Variants in GET1 observed in about 807,000 individuals in gnomAD.
GET1 encodes the protein guided entry of tail-anchored proteins factor 1, also known as congenital heart disease 5 protein.
In GET1, 20 loss-of-function variants were observed where a neutral mutation model predicts 22.6. The ratio of observed to expected loss-of-function variants is 0.89; its 90% CI spans 0.62 to 1.29. The LOEUF is 1.29. GET1 is among the 50% of genes most tolerant of loss of function. The pLI, the probability that GET1 is intolerant of heterozygous loss-of-function variation, is 0.00. For missense variants in GET1, 209 were observed against 219.9 expected (o/e 0.95, Z 0.31); for synonymous variants, 92 against 83.8 (o/e 1.10, Z -0.53).
intron 2 of GET1, 156 bp downstream of exon 2, chr21:39,391,019 T>TGAG: frequency 1.4e-6 from 1 of 724,766 alleles, no homozygotes; most frequent in Non-Finnish European, 2.1e-6. Flanking sequence ...TAAGTATTAC[T>TGAG]TTCCTCTTAT....
At chr21:39,401,588 G>C (rs143068614), downstream of GET1, among the ~76,000 whole-genome samples, 5 of 152,120 alleles carry the variant, frequency 3.3e-5, no homozygotes, top group East Asian at 9.7e-4. Context: ...ACATTGTTTG[G>C]TTTCTCATGC....
At position 39,391,853 on chromosome 21, in the gene GET1, G is replaced by A. The variant is rs779821913; in HGVS notation, c.336+17G>A. ...GTATTGCAGGTAAGTGTGCTAGAGC[G>A]TCAGCCGGGTCATTGGAGTTGGTGA... On this transcript the variant is annotated intron_variant, in intron 3 of 4. Transcript: ENST00000649170. 1.7e-5 allele frequency: 27 copies of A among 1,613,752 alleles called. No individual in the cohort carries two copies. The Admixed American group carries it at 2.5e-4, about 15-fold the overall frequency.
At chr21:39,395,808 C>G (rs911382134) in intron 4 of GET1, among the ~76,000 whole-genome samples, 2 of 152,224 alleles carry the variant, frequency 1.3e-5, no homozygotes, top group African/African-American at 4.8e-5. Flanking sequence ...AGCCACCCTT[C>G]CATGCATCCA....
At chr21:39,384,263 T>C (rs1042038570) in intron 1 of GET1, among the ~76,000 whole-genome samples, 2 of 151,750 alleles carry the variant, frequency 1.3e-5, no homozygotes, top group Admixed American at 1.3e-4. Flanking sequence ...ATTATTATTA[T>C]TATTATTTTT....
chr21:39,391,057 A>G (rs1223865250), intron 2 of GET1, 194 bp downstream of exon 2: 1 of 516,750 alleles, frequency 1.9e-6, no homozygotes, highest in Admixed American at 3.4e-5. Flanking sequence ...CTTTCTAAGC[A>G]CAGAAATATC....
At chr21:39,426,286 G>A (rs754024040) in intron 1 of GET1, among the ~76,000 whole-genome samples, 1 of 152,118 alleles carries the variant, frequency 6.6e-6, no homozygotes, top group Non-Finnish European at 1.5e-5. Context: ...CTTGATGGAG[G>A]AATATATACT....
At chr21:39,396,734 TA>T in intron 4 of GET1, 131 bp from the exon 5 acceptor site, 1 of 618,126 alleles carries the variant, frequency 1.6e-6, no homozygotes, top group Non-Finnish European at 2.7e-6. Flanking sequence ...CTATGAAACA[TA>T]AACTTCACTT....
At chr21:39,420,940 T>G (rs1367239623) in intron 1 of GET1, 14 of 911,890 alleles carry the variant, frequency 1.5e-5, no homozygotes, top group Non-Finnish European at 2.0e-5. Context: ...AAAGTGCACA[T>G]TTTCAATACA....
At chr21:39,415,947 A>T (rs995521075) in intron 1 of GET1, among the ~76,000 whole-genome samples, 1 of 152,110 alleles carries the variant, frequency 6.6e-6, no homozygotes, top group African/African-American at 2.4e-5. Flanking sequence ...TGGCATGAGT[A>T]GGTGGTGGTG....
chr21:39,392,789 G>C (rs2038391768), intron 3 of GET1: 1 of 199,626 alleles, frequency 5.0e-6, no homozygotes, highest in South Asian at 1.1e-4. Flanking sequence ...ACTCAAACGA[G>C]ATACTCAGTG....
intron 1 of GET1, 31 bp downstream of exon 1, chr21:39,380,517 G>C: frequency 1.1e-5 from 17 of 1,592,738 alleles, no homozygotes; most frequent in Non-Finnish European, 1.5e-5. Flanking sequence ...CCAAGGGCCG[G>C]TGGGGATGCC....
downstream of GET1, among the ~76,000 whole-genome samples, chr21:39,402,156 T>C (rs2038855830): frequency 6.6e-6 from 1 of 152,124 alleles, no homozygotes; most frequent in African/African-American, 2.4e-5. Flanking sequence ...CAGGCTGGAG[T>C]GCAGTGGCAT....
chr21:39,387,552 A>G (rs1328619853), intron 1 of GET1, among the ~76,000 whole-genome samples: 7 of 152,112 alleles, frequency 4.6e-5, no homozygotes, highest in African/African-American at 1.7e-4. Flanking sequence ...AGTGCTGGGT[A>G]GTGGCCAGGG....
At position 39,420,670 on chromosome 21, in the gene GET1, G is replaced by A. The variant is rs1601814524; in HGVS notation, c.*24-7562G>A. 2.5e-6 allele frequency: 4 copies of A among 1,573,478 alleles called. No homozygotes were observed. The East Asian group carries it at 9.0e-5, about 35-fold the overall frequency. On this transcript the variant is annotated intron_variant, in intron 1 of 1. Coordinates refer to the GET1 transcript ENST00000478273. ...AATAGCTCATATATTTCGGGAAACAGGATTTCATTCTTACATTTTGTTTTA... is the reference window on the plus strand; with the variant it reads ...AATAGCTCATATATTTCGGGAAACAAGATTTCATTCTTACATTTTGTTTTA...
chr21:39,403,587 G>A (rs2038898994), intron 4 of GET1, among the ~76,000 whole-genome samples: 1 of 150,722 alleles, frequency 6.6e-6, no homozygotes, highest in Non-Finnish European at 1.5e-5. Context: ...CTCCCAAAGT[G>A]CTGGGGTGAG....
intron 1 of GET1, among the ~76,000 whole-genome samples, chr21:39,414,580 C>G (rs992269243): frequency 6.6e-6 from 1 of 152,130 alleles, no homozygotes; most frequent in Non-Finnish European, 1.5e-5. Flanking sequence ...CCTCGTGACT[C>G]GCTACCAAAA....
rs751552936 is a variant in GET1 at position 39,380,957 on chromosome 21, C to T, written c.102+471C>T. On this transcript the variant is annotated intron_variant, in intron 1 of 4. Coordinates refer to ENST00000649170, the MANE Select transcript of GET1 (RefSeq NM_004627.6). Reference sequence around the variant, plus strand: ...TGGGAGACAGGTGTAGAGAGAATCTCAGTACAGCGTGATGCCTTCAGTATC... The same window carrying T: ...TGGGAGACAGGTGTAGAGAGAATCTTAGTACAGCGTGATGCCTTCAGTATC... 1.0e-4 allele frequency: 101 copies of T among 993,608 alleles called. 1 individual carries two copies. The highest frequency in any genetic ancestry group is 5.4e-4 in the East Asian group (5 of 9,256). 61.5% of individuals were successfully genotyped at this position (993,608 alleles called of 1,614,324 possible).
chr21:39,415,734 G>A (rs1421359399), intron 1 of GET1, among the ~76,000 whole-genome samples: 3 of 152,160 alleles, frequency 2.0e-5, no homozygotes, highest in Non-Finnish European at 4.4e-5. Flanking sequence ...ATCTCTTACT[G>A]TCTTTTAATC....
chr21:39,406,345 G>T (rs929144680), exon 5 of GET1: 26 of 1,614,088 alleles, frequency 1.6e-5, no homozygotes, highest in Non-Finnish European at 2.2e-5. Context: ...TTGTCTGAGG[G>T]GGCCTTTCGT....
Sources: gnomAD v4.1 joint callset for allele counts (sites outside exome capture counted in the v4.1 genomes callset) on GRCh38, gnomAD v4.1.1 for gene constraint, MANE v1.5 for transcripts, NCBI Gene and HGNC (gene_info 2026-07-23, HGNC 2026-07-21) for gene names.